The following STK39 variants were observed in gnomAD, a reference collection of about 807,000 sequenced individuals.
The protein encoded by STK39 is serine/threonine kinase 39, also known as STE20/SPS1-related proline-alanine-rich protein kinase.
In STK39, 20 loss-of-function variants were observed where a neutral mutation model predicts 77.8. The ratio of observed to expected loss-of-function variants is 0.26; its 90% CI spans 0.18 to 0.37. STK39 has a LOEUF of 0.37. Among genes scored for constraint, STK39 ranks in the 10% least tolerant of loss-of-function variants. The pLI is 1.00. For synonymous variants in STK39, 246 were observed against 234.1 expected, an observed-to-expected ratio of 1.05 and a Z score of -0.47; for missense variants, 479 against 656.5, an observed-to-expected ratio of 0.73 and a Z score of 2.95.
At position 168,247,544 on chromosome 2, in the gene STK39, C is replaced by CCCGTCGCCGCCGCCG; in HGVS notation, c.-110_-109insCGGCGGCGGCGACGG. On this transcript the variant is annotated 5_prime_UTR_variant, in exon 1 of 18. Coordinates refer to ENST00000355999, the MANE Select transcript of STK39 (RefSeq NM_013233.3). ...TCTCGGCCGGCGCACGCCCTCCCCG[C>CCCGTCGCCGCCGCCG]CCGCCGCCGCCGCCGCCGTCCCCGC... The CCCGTCGCCGCCGCCG allele has an allele frequency of 2.1e-6, 1 of 478,038 alleles. No homozygotes were observed. The highest frequency in any genetic ancestry group is 2.9e-6 in the Non-Finnish European group (1 of 348,368). 29.6% of individuals were successfully genotyped at this position (478,038 alleles called of 1,614,324 possible).
rs916150050 is a variant in STK39, at chr2:168,010,500, G to A, written c.1498+2134C>T. Among the ~76,000 whole-genome samples the A allele has an allele frequency of 7.4e-5, 11 of 149,446 alleles. No homozygotes were observed. The South Asian group carries it at 8.4e-4, about 11-fold the overall frequency. ...ATTAGAAAATTTAGGCGAGAACTTA[G>A]CTGGCCTTAAATCTCACAAGATTGT... On this transcript the variant is annotated intron_variant, in intron 16 of 17. Coordinates refer to ENST00000355999, the MANE Select transcript of STK39 (RefSeq NM_013233.3).
chr2:168,152,224 T>A (rs752162723), intron 5 of STK39, among the ~76,000 whole-genome samples: 7 of 152,166 alleles, frequency 4.6e-5, no homozygotes, highest in Non-Finnish European at 1.0e-4. Context: ...ACACCACATA[T>A]CCATTCTTCC....
chr2:168,016,414 C>T (rs1215373407), intron 15 of STK39, among the ~76,000 whole-genome samples: 1 of 49,508 alleles, frequency 2.0e-5, no homozygotes. Context: ...AAAAAAAAAA[C>T]AACACTACTG....
chr2:167,982,324 T>C (rs1177587232), intron 16 of STK39, among the ~76,000 whole-genome samples: 2 of 152,220 alleles, frequency 1.3e-5, no homozygotes, highest in African/African-American at 2.4e-5. Context: ...CAGAAAGGCA[T>C]GTAACCTACA....
chr2:168,185,272 A>C (rs537388314), intron 1 of STK39, among the ~76,000 whole-genome samples: 1 of 152,232 alleles, frequency 6.6e-6, no homozygotes, highest in Non-Finnish European at 1.5e-5. Flanking sequence ...TAAATCATTC[A>C]ATAGGATTAT....
At chr2:168,030,431 A>G (rs938112219) in intron 14 of STK39, among the ~76,000 whole-genome samples, 2 of 152,224 alleles carry the variant, frequency 1.3e-5, no homozygotes, top group Non-Finnish European at 2.9e-5. Flanking sequence ...TCACAGAAAT[A>G]GAAACATACT....
intron 14 of STK39, among the ~76,000 whole-genome samples, chr2:168,055,977 T>G (rs976051522): frequency 1.2e-4 from 18 of 152,186 alleles, no homozygotes; most frequent in Non-Finnish European, 2.2e-4. Flanking sequence ...TCAATTTTTT[T>G]GATATCATAG....
chr2:168,011,247 C>T (rs975200134), intron 16 of STK39, among the ~76,000 whole-genome samples: 2 of 151,724 alleles, frequency 1.3e-5, no homozygotes, highest in South Asian at 2.1e-4. Flanking sequence ...TGCAGTGGGC[C>T]GAGATTACAC....
intron 10 of STK39, among the ~76,000 whole-genome samples, chr2:168,118,037 T>C (rs1460679160): frequency 6.6e-6 from 1 of 152,056 alleles, no homozygotes; most frequent in Non-Finnish European, 1.5e-5. Flanking sequence ...AGGAAAGAAA[T>C]GGTACACTAG....
intron 14 of STK39, among the ~76,000 whole-genome samples, chr2:168,025,736 A>C (rs1238505735): frequency 6.6e-6 from 1 of 152,244 alleles, no homozygotes; most frequent in African/African-American, 2.4e-5. Flanking sequence ...GATACACAGA[A>C]GGAACCTACA....
chr2:168,244,643 C>T (rs1189625099), intron 1 of STK39, among the ~76,000 whole-genome samples: 2 of 152,210 alleles, frequency 1.3e-5, no homozygotes, highest in Non-Finnish European at 2.9e-5. Context: ...GCATTAAACC[C>T]TAAATGGAAA....
chr2:168,054,790 T>TCA (rs1685482216), intron 14 of STK39, among the ~76,000 whole-genome samples: 1 of 149,976 alleles, frequency 6.7e-6, no homozygotes. Context: ...AAAAAAAAAC[T>TCA]CACACACACA....
intron 2 of STK39, among the ~76,000 whole-genome samples, chr2:168,172,189 T>C (rs1017377516): frequency 3.3e-5 from 5 of 152,198 alleles, no homozygotes; most frequent in Non-Finnish European, 7.4e-5. Context: ...ATTCAGTCTG[T>C]TCAATGTCTC....
At chr2:168,245,101 T>A (rs1217094362) in intron 1 of STK39, among the ~76,000 whole-genome samples, 6 of 152,270 alleles carry the variant, frequency 3.9e-5, no homozygotes, top group Non-Finnish European at 7.3e-5. Flanking sequence ...TGGAGAATTA[T>A]GTGGCAGATA....
chr2:167,960,500 A>G lies in STK39; in HGVS notation c.1563+4162T>C, dbSNP rs569356262. Among the ~76,000 whole-genome samples, 3 of 152,294 alleles carry G rather than the reference A, an allele frequency of 2.0e-5. No homozygotes were observed. In the South Asian group the frequency reaches 6.2e-4, roughly 32 times the overall value. On this transcript the variant is annotated intron_variant, in intron 17 of 17. Transcript: ENST00000355999. ...CAGGCCCAGCCAAAAAACCCTAAGA[A>G]GGCAGAGATAACAGTTTGCCTCCCC...
At chr2:168,001,698 A>G (rs985707904) in intron 16 of STK39, among the ~76,000 whole-genome samples, 1 of 152,232 alleles carries the variant, frequency 6.6e-6, no homozygotes, top group Non-Finnish European at 1.5e-5. Context: ...TACCTGTTAT[A>G]TAAGAAATCA....
intron 5 of STK39, among the ~76,000 whole-genome samples, chr2:168,157,816 T>G (rs531478090): frequency 7.9e-5 from 12 of 152,114 alleles, no homozygotes; most frequent in African/African-American, 2.9e-4. Flanking sequence ...TAAGTGAAAA[T>G]GAGCATGAGA....
chr2:168,045,701 C>G (rs929034095), intron 14 of STK39, among the ~76,000 whole-genome samples: 2 of 152,126 alleles, frequency 1.3e-5, no homozygotes, highest in Non-Finnish European at 2.9e-5. Flanking sequence ...TAAAAATAAC[C>G]AGACATCAGC....
intron 1 of STK39, among the ~76,000 whole-genome samples, chr2:168,209,605 A>G (rs1689832524): frequency 6.6e-6 from 1 of 152,190 alleles, no homozygotes; most frequent in Admixed American, 6.5e-5. Flanking sequence ...ACTTGAACCC[A>G]GGAGGCAGAG....
Sources: allele counts gnomAD v4.1 joint callset (sites outside exome capture counted in the v4.1 genomes callset), GRCh38; gene constraint gnomAD v4.1.1; transcripts MANE v1.5; gene names NCBI Gene and HGNC (gene_info 2026-07-23, HGNC 2026-07-21).